The following YJU2 variants were observed in gnomAD, a reference collection of about 807,000 sequenced individuals.
YJU2 encodes the protein splicing factor YJU2.
Under a neutral mutation model 39.6 loss-of-function variants are expected in YJU2, and 28 were observed. That is an observed-to-expected ratio of 0.71 (90% CI 0.52 to 0.97). The LOEUF is 0.97. YJU2 is among the 50% of genes least tolerant of loss of function. The pLI is 0.00. For synonymous variants in YJU2, 184 were observed against 182.4 expected, an observed-to-expected ratio of 1.01 and a Z score of -0.07; for missense variants, 328 against 430.4, an observed-to-expected ratio of 0.76 and a Z score of 2.11.
chr19:4,259,869 G>C (rs564190954), intron 5 of YJU2, among the ~76,000 whole-genome samples: 2 of 152,268 alleles, frequency 1.3e-5, no homozygotes, highest in South Asian at 4.1e-4. Context: ...TGGGTGTGCA[G>C]AGCAGCGATA....
chr19:4,250,019 T>C (rs1018376242), intron 2 of YJU2, among the ~76,000 whole-genome samples: 13 of 152,088 alleles, frequency 8.5e-5, no homozygotes, highest in Admixed American at 5.9e-4. Flanking sequence ...CTCCTTCTAC[T>C]TACACATGGC....
intron 3 of YJU2, among the ~76,000 whole-genome samples, chr19:4,251,509 C>T (rs1208945851): frequency 6.6e-6 from 1 of 151,932 alleles, no homozygotes; most frequent in Non-Finnish European, 1.5e-5. Flanking sequence ...GCCAACATGG[C>T]GAAATGCCAT....
intron 2 of YJU2, 69 bp from the exon 3 acceptor site, chr19:4,250,958 C>A: frequency 6.4e-7 from 1 of 1,557,844 alleles, no homozygotes; most frequent in Non-Finnish European, 8.8e-7. Context: ...TGCAGGATGC[C>A]GCAGGGACAG....
intron 1 of YJU2, 43 bp downstream of exon 1, chr19:4,247,213 T>A: frequency 3.2e-6 from 5 of 1,568,024 alleles, no homozygotes; most frequent in Non-Finnish European, 4.4e-6. Context: ...GAGCAGGACA[T>A]CCCGGAACTC....
intron 6 of YJU2, among the ~76,000 whole-genome samples, chr19:4,265,189 C>T (rs1471247577): frequency 6.6e-6 from 1 of 152,130 alleles, no homozygotes; most frequent in Non-Finnish European, 1.5e-5. Context: ...CAAGACTTTT[C>T]AAACCTTCAC....
intron 6 of YJU2, among the ~76,000 whole-genome samples, chr19:4,265,841 C>T (rs542546930): frequency 3.3e-5 from 5 of 152,100 alleles, no homozygotes; most frequent in African/African-American, 1.2e-4. Context: ...TCAAGTGGTC[C>T]ACCCGCCTCG....
chr19:4,251,968 C>T lies in YJU2; in HGVS notation c.270+797C>T, dbSNP rs146848596. On this transcript the variant is annotated intron_variant, in intron 3 of 7. Transcript: ENST00000262962. ...CGCCATTGCACTCCAGCCTGAGCAA[C>T]GAAATGAAACTCTGTCTCAAAAAGA... Among the ~76,000 whole-genome samples, 297 of 150,910 alleles carry T rather than the reference C, an allele frequency of 2.0e-3. 1 individual carries two copies. Among genetic ancestry groups the T allele is most frequent in the African/African-American group, 6.9e-3 (281 of 40,922 alleles).
chr19:4,267,761 G>T lies in YJU2; in HGVS notation c.846G>T (p.Ala282=). 1 of 1,612,092 alleles carries T rather than the reference G, an allele frequency of 6.2e-7. No individual in the cohort carries two copies. The highest frequency in any genetic ancestry group is 1.1e-5 in the South Asian group (1 of 91,000). Residue 282 remains alanine (A), a synonymous_variant, in exon 7 of 8, where the codon GCG becomes GCT. Transcript: ENST00000262962. Reference sequence around the variant, plus strand: ...ACTGCAGCAACGGGCAGCCTCAGGCGGCCCCCACCCCAGGTAAGGTCACAG... The same window carrying T: ...ACTGCAGCAACGGGCAGCCTCAGGCTGCCCCCACCCCAGGTAAGGTCACAG... ...DPDCSNGQPQ[A]APTPGAPQNR... is the part of the protein sequence containing the mutation.
At position 4,249,228 on chromosome 19, in the gene YJU2, A is replaced by T; in HGVS notation, c.25A>T (p.Lys9Ter). The change falls in exon 2 of 8, where the codon AAA (lysine) becomes TAA (stop). Residue 9 changes from lysine to a stop codon, truncating the protein, a stop_gained and splice_region_variant. Transcript: ENST00000262962. LOFTEE classifies it high-confidence loss of function. MSERKVLNKYYPPDFDPSK... is the reference protein window; with the variant it reads MSERKVLN ...CCAACGTTTCCTTCCTCCCCTGCAG[A>T]AATACTACCCGCCGGACTTTGACCC... 6.2e-7 allele frequency: 1 copy of T among 1,609,590 alleles called. No individual in the cohort carries two copies. Among genetic ancestry groups the T allele is most frequent in the Non-Finnish European group, 8.5e-7 (1 of 1,176,690 alleles).
chr19:4,253,779 TAA>T, intron 3 of YJU2, among the ~76,000 whole-genome samples: 1 of 152,068 alleles, frequency 6.6e-6, no homozygotes, highest in African/African-American at 2.4e-5. Context: ...GAAAAGGTGT[TAA>T]TAAATACAAA....
chr19:4,257,567 G>A (rs535336868), intron 4 of YJU2, among the ~76,000 whole-genome samples: 303 of 152,244 alleles, frequency 2.0e-3, no homozygotes, highest in South Asian at 4.8e-3. Context: ...TCTGCCTCCC[G>A]GGTTCAAGCA....
At position 4,254,496 on chromosome 19, in the gene YJU2, C is replaced by T. The variant is rs781222415; in HGVS notation, c.405+7C>T. On this transcript the variant is annotated splice_region_variant and intron_variant, in intron 4 of 7. Transcript: ENST00000262962. The stretch of plus-strand genomic sequence containing the variant: ...GCTGAACAACCCCATGAAGGTGAGT[C>T]GGGGGCCATGTAGGTGTTCATGGGC... The T allele has an allele frequency of 6.3e-6, 10 of 1,579,850 alleles. No homozygotes were observed. The highest frequency in any genetic ancestry group is 5.7e-5 in the South Asian group (5 of 87,792).
At chr19:4,256,961 C>G (rs1235733364) in intron 4 of YJU2, among the ~76,000 whole-genome samples, 1 of 152,194 alleles carries the variant, frequency 6.6e-6, no homozygotes, top group East Asian at 1.9e-4. Flanking sequence ...CCAGCCCCTG[C>G]TCAAGGGGAG....
Position 4,255,415 on chromosome 19 carries a change from C to T in YJU2, c.405+926C>T, listed in dbSNP as rs960940133. ...CCTGGGCAACATAGTGAGACTCTGT[C>T]TCTATAAAACATTAAAAAATTAGCC... On this transcript the variant is annotated intron_variant, in intron 4 of 7. Transcript: ENST00000262962. Among the ~76,000 whole-genome samples, 5 of 151,674 alleles carry T rather than the reference C, an allele frequency of 3.3e-5. 1 individual carries two copies. Among genetic ancestry groups the T allele is most frequent in the African/African-American group, 1.2e-4 (5 of 41,250 alleles).
chr19:4,247,393 C>A lies in YJU2; in HGVS notation c.24+223C>A. ...TTCTGGGCTGGGGTGTAGTTAGTCA[C>A]CTGCGGGGCGTGGCTTGGGCTTTTA... On this transcript the variant is annotated intron_variant, in intron 1 of 7. Coordinates refer to ENST00000262962, the MANE Select transcript of YJU2 (RefSeq NM_018074.6). The A allele has an allele frequency of 8.0e-6, 4 of 502,376 alleles. No individual in the cohort carries two copies. The South Asian group carries it at 1.1e-4, about 14-fold the overall frequency. The allele number at this position is 502,376 out of a possible 1,614,324, so 31.1% of individuals were successfully genotyped here.
chr19:4,252,983 A>G (rs2144690306), intron 3 of YJU2, among the ~76,000 whole-genome samples: 2 of 145,744 alleles, frequency 1.4e-5, no homozygotes, highest in South Asian at 4.4e-4. Flanking sequence ...AAAAGTTCCA[A>G]AGATAGTACA....
rs1316497955 is a variant in YJU2, at chr19:4,254,502, C to T, written c.405+13C>T. The T allele has an allele frequency of 7.6e-6, 12 of 1,570,712 alleles. No individual in the cohort carries two copies. Among genetic ancestry groups the T allele is most frequent in the Non-Finnish European group, 9.5e-6 (11 of 1,156,650 alleles). ...CAACCCCATGAAGGTGAGTCGGGGG[C>T]CATGTAGGTGTTCATGGGCGCTGTG... On this transcript the variant is annotated intron_variant, in intron 4 of 7. Transcript: ENST00000262962.
At chr19:4,247,532 T>TG (rs1970929867) in intron 1 of YJU2, among the ~76,000 whole-genome samples, 1 of 123,246 alleles carries the variant, frequency 8.1e-6, no homozygotes, top group East Asian at 2.5e-4. Flanking sequence ...CCGCCCCACT[T>TG]GGGGACTGTA....
chr19:4,264,771 G>A (rs868170919), intron 6 of YJU2, among the ~76,000 whole-genome samples: 1 of 152,100 alleles, frequency 6.6e-6, no homozygotes, highest in Middle Eastern at 3.4e-3. Context: ...ACAGGCGTGA[G>A]CCACTGTGCC....
Sources: gnomAD v4.1 joint callset for allele counts (sites outside exome capture counted in the v4.1 genomes callset) on GRCh38, gnomAD v4.1.1 for gene constraint, MANE v1.5 for transcripts, NCBI Gene and HGNC (gene_info 2026-07-23, HGNC 2026-07-21) for gene names.